Variants in KIF6 observed in about 807,000 individuals in gnomAD.
KIF6 encodes kinesin family member 6, also known as kinesin-like protein KIF6.
Under a neutral mutation model 112.7 loss-of-function variants are expected in KIF6, and 106 were observed. That is an observed-to-expected ratio of 0.94 (90% CI 0.80 to 1.11). KIF6 has a LOEUF of 1.11. Among genes scored for constraint, KIF6 ranks in the 50% least tolerant of loss-of-function variants. The pLI, the probability that KIF6 is intolerant of heterozygous loss-of-function variation, is 0.00. For missense variants in KIF6, 929 were observed against 964.0 expected (o/e 0.96, Z 0.48); for synonymous variants, 339 against 339.9 (o/e 1.00, Z 0.03).
intron 13 of KIF6, among the ~76,000 whole-genome samples, chr6:39,447,793 C>T (rs993080786): frequency 3.9e-5 from 6 of 152,196 alleles, no homozygotes; most frequent in South Asian, 2.1e-4. Flanking sequence ...TTCCTGTTCT[C>T]GCCTTGCTGT....
intron 16 of KIF6, among the ~76,000 whole-genome samples, chr6:39,363,241 C>T (rs1765304335): frequency 6.6e-6 from 1 of 152,222 alleles, no homozygotes; most frequent in Admixed American, 6.5e-5. Flanking sequence ...TCTTTCTCTG[C>T]ACAAGTGGAG....
rs552198979 is a variant in KIF6, at chr6:39,514,298, T to C, written c.1645+25705A>G. On this transcript the variant is annotated intron_variant, in intron 13 of 22. Coordinates refer to ENST00000287152, the MANE Select transcript of KIF6 (RefSeq NM_145027.6). ...TTAAGAACAGCTTTATTGTTATTAG[T>C]GTTTTTCTCTTTCCTTTGGGAAATT... Among the ~76,000 whole-genome samples the C allele has an allele frequency of 6.6e-5, 10 of 152,350 alleles. 1 individual carries two copies. The East Asian group carries it at 1.9e-3, about 29-fold the overall frequency.
At position 39,358,784 on chromosome 6, in the gene KIF6, C is replaced by T. The variant is rs141035716; in HGVS notation, c.2083-1410G>A. 1.4e-3 allele frequency among the ~76,000 whole-genome samples: 213 copies of T among 152,292 alleles called. 1 individual carries two copies. The highest frequency in any genetic ancestry group is 5.2e-3 in the South Asian group (25 of 4,824). Reference sequence around the variant, plus strand: ...TTCAGTGATAAATGCAGACAAGAAACCACAAAAGTATTAGCAATACCTGTG... The same window carrying T: ...TTCAGTGATAAATGCAGACAAGAAATCACAAAAGTATTAGCAATACCTGTG... On this transcript the variant is annotated intron_variant, in intron 18 of 22. Transcript: ENST00000287152.
chr6:39,649,517 C>T (rs1785350860), intron 3 of KIF6, among the ~76,000 whole-genome samples: 1 of 152,150 alleles, frequency 6.6e-6, no homozygotes, highest in African/African-American at 2.4e-5. Flanking sequence ...CAAAATATAG[C>T]TAGCAGAGCA....
At chr6:39,703,075 A>AT (rs1554151165) in intron 3 of KIF6, among the ~76,000 whole-genome samples, 7 of 18,710 alleles carry the variant, frequency 3.7e-4, no homozygotes, top group Non-Finnish European at 8.7e-4. Flanking sequence ...AAATCCACCA[A>AT]CCCCCCACCC....
intron 12 of KIF6, among the ~76,000 whole-genome samples, chr6:39,541,248 C>T (rs1778768855): frequency 6.6e-6 from 1 of 152,204 alleles, no homozygotes; most frequent in East Asian, 1.9e-4. Flanking sequence ...CTTCATCTTC[C>T]TCCTCAGCTT....
intron 13 of KIF6, among the ~76,000 whole-genome samples, chr6:39,510,697 A>C (rs529473143): frequency 6.6e-6 from 1 of 152,198 alleles, no homozygotes; most frequent in East Asian, 1.9e-4. Flanking sequence ...ATATAATAAT[A>C]TTAACCTTAA....
At chr6:39,548,622 C>G (rs1209839962) in intron 10 of KIF6, among the ~76,000 whole-genome samples, 1 of 152,166 alleles carries the variant, frequency 6.6e-6, no homozygotes, top group Non-Finnish European at 1.5e-5. Context: ...CAGAAAAATG[C>G]TTAATTCAGA....
intron 6 of KIF6, among the ~76,000 whole-genome samples, chr6:39,599,469 T>C (rs1022855874): frequency 6.6e-6 from 1 of 152,230 alleles, no homozygotes; most frequent in African/African-American, 2.4e-5. Context: ...GTTTTGGTGA[T>C]GATGATGTAG....
At chr6:39,495,120 G>C (rs1775708136) in intron 13 of KIF6, among the ~76,000 whole-genome samples, 1 of 152,180 alleles carries the variant, frequency 6.6e-6, no homozygotes, top group Non-Finnish European at 1.5e-5. Context: ...CATTCCCAAA[G>C]AGCCACAAAA....
At chr6:39,463,997 G>A (rs982654503) in intron 13 of KIF6, among the ~76,000 whole-genome samples, 2 of 152,130 alleles carry the variant, frequency 1.3e-5, no homozygotes, top group South Asian at 2.1e-4. Flanking sequence ...TTTAGTAGGT[G>A]TACATATTTA....
chr6:39,525,736 G>A (rs1249395519), intron 13 of KIF6, among the ~76,000 whole-genome samples: 2 of 151,994 alleles, frequency 1.3e-5, no homozygotes, highest in African/African-American at 4.8e-5. Flanking sequence ...AAGTTGCAGT[G>A]AGCCGAGATG....
chr6:39,653,993 G>T (rs1785623933), intron 3 of KIF6, among the ~76,000 whole-genome samples: 1 of 152,170 alleles, frequency 6.6e-6, no homozygotes, highest in African/African-American at 2.4e-5. Flanking sequence ...TCATTGGTAT[G>T]GCCCATTATT....
At chr6:39,636,847 A>C (rs1784644767) in intron 4 of KIF6, among the ~76,000 whole-genome samples, 1 of 152,054 alleles carries the variant, frequency 6.6e-6, no homozygotes, top group Admixed American at 6.6e-5. Context: ...ACTGAGTTTG[A>C]ATATTGAAAC....
intron 2 of KIF6, among the ~76,000 whole-genome samples, chr6:39,718,265 A>G (rs558506724): frequency 1.4e-5 from 2 of 148,118 alleles, no homozygotes; most frequent in African/African-American, 5.0e-5. Context: ...AATACTTTGG[A>G]TAGGGTCCAT....
At chr6:39,400,975 G>T (rs1473496087) in intron 15 of KIF6, among the ~76,000 whole-genome samples, 2 of 152,218 alleles carry the variant, frequency 1.3e-5, no homozygotes, top group African/African-American at 4.8e-5. Context: ...TCCTTTGTGG[G>T]TTGGTATTTT....
intron 5 of KIF6, among the ~76,000 whole-genome samples, chr6:39,634,353 T>C (rs779490474): frequency 9.9e-5 from 15 of 152,232 alleles, no homozygotes; most frequent in Non-Finnish European, 1.8e-4. Context: ...CATGAAACAA[T>C]CAGTGCCAAT....
intron 3 of KIF6, among the ~76,000 whole-genome samples, chr6:39,647,082 A>G (rs1785205377): frequency 1.3e-5 from 2 of 152,242 alleles, no homozygotes. Flanking sequence ...GATTTCAACC[A>G]AAAACAATAG....
chr6:39,584,459 A>AAAAAAAAAAAAAAAAAAAAAAAAAAGAC (rs1561836472), intron 9 of KIF6, among the ~76,000 whole-genome samples: 2 of 128,640 alleles, frequency 1.6e-5, no homozygotes, highest in Non-Finnish European at 3.3e-5. Context: ...AAAAAAAAAA[A>AAAAAAAAAAAAAAAAAAAAAAAAAAGAC]AGACTATTAT....
Sources: gnomAD v4.1 joint callset for allele counts (sites outside exome capture counted in the v4.1 genomes callset) on GRCh38, gnomAD v4.1.1 for gene constraint, MANE v1.5 for transcripts, NCBI Gene and HGNC (gene_info 2026-07-23, HGNC 2026-07-21) for gene names.